Variants in CEP78 observed in about 807,000 individuals in gnomAD.
CEP78 encodes centrosomal protein 78, also known as centrosomal protein of 78 kDa.
CEP78 carries 76 observed loss-of-function variants against 81.2 expected under a neutral mutation model. The ratio of observed to expected loss-of-function variants is 0.94; its 90% CI spans 0.78 to 1.13. CEP78 has a LOEUF of 1.13. Ranked by LOEUF, CEP78 falls within the 50% of genes most tolerant of loss-of-function variation. The pLI, the probability that CEP78 is intolerant of heterozygous loss-of-function variation, is 0.00. For missense variants in CEP78, 918 were observed against 846.8 expected (o/e 1.08, Z -1.04); for synonymous variants, 293 against 301.4 (o/e 0.97, Z 0.29).
intron 11 of CEP78, among the ~76,000 whole-genome samples, chr9:78,260,564 G>A (rs1040311550): frequency 5.3e-5 from 8 of 151,988 alleles, no homozygotes; most frequent in African/African-American, 1.9e-4. Flanking sequence ...AAAATTAGCT[G>A]TGCGTGGTGG....
rs78540443 is a variant in CEP78 at position 78,261,323 on chromosome 9, G to A, written c.1381-1584G>A. 7.1e-3 allele frequency among the ~76,000 whole-genome samples: 1,088 copies of A among 152,244 alleles called. 7 individuals carry two copies. The highest frequency in any genetic ancestry group is 0.025 in the African/African-American group (1,021 of 41,530). On this transcript the variant is annotated intron_variant, in intron 11 of 16. Transcript: ENST00000643273. The stretch of plus-strand genomic sequence containing the variant: ...CATACTTCAAGCCCTTGATATTCAA[G>A]GGTTGTTGTACAGGATAACATTTGA...
In CEP78 at chr9:78,251,939, C is replaced by G; in HGVS notation, c.1101C>G (p.Gly367=). 6.2e-7 allele frequency: 1 copy of G among 1,608,078 alleles called. No homozygotes were observed. The highest frequency in any genetic ancestry group is 8.5e-7 in the Non-Finnish European group (1 of 1,175,938). ...CTACAAAGAAACCTGTAAGTAGTGG[C>G]AGAAAACACTCCCTTGGTAAAGAAT... The part of the protein sequence containing the change: ...GLATKKPVSS[G]RKHSLGKEYY... The change falls in exon 9 of 17, where the codon GGC becomes GGG. Residue 367 remains glycine, a synonymous_variant. Coordinates refer to ENST00000643273, the MANE Select transcript of CEP78 (RefSeq NM_001330691.3).
chr9:78,270,372 A>G (rs1192536757), intron 16 of CEP78, among the ~76,000 whole-genome samples: 1 of 152,212 alleles, frequency 6.6e-6, no homozygotes, highest in East Asian at 1.9e-4. Flanking sequence ...CCCTGCAAGT[A>G]ATTGTTAAAC....
In CEP78 at chr9:78,236,166, G is replaced by T. The variant is rs1297306768; in HGVS notation, c.-185G>T. The stretch of plus-strand genomic sequence containing the variant: ...GGCAGCGCGGGAGTGGGGCGTTGAG[G>T]GGCCGGCCTAGCTTGGGGCTCTGGC... On this transcript the variant is annotated 5_prime_UTR_variant, in exon 1 of 17. Transcript: ENST00000643273. 13 of 584,288 alleles carry T rather than the reference G, an allele frequency of 2.2e-5. 1 individual carries two copies. The South Asian group carries it at 2.7e-4, about 12-fold the overall frequency. 36.2% of individuals were successfully genotyped at this position (584,288 alleles called of 1,614,324 possible). A position where few individuals can be genotyped will look rare whatever the true frequency, so the allele number is the denominator to read the frequency against.
At chr9:78,267,148 T>G (rs765309259) in intron 16 of CEP78, 57 of 791,274 alleles carry the variant, frequency 7.2e-5, no homozygotes, top group Non-Finnish European at 9.4e-5. Flanking sequence ...ATAGTGAAAT[T>G]TTTGGTCTGT....
intron 8 of CEP78, chr9:78,249,660 A>C (rs1028915501): frequency 4.0e-5 from 6 of 150,382 alleles, no homozygotes; most frequent in African/African-American, 1.5e-4. Flanking sequence ...TTTTTTTTTT[A>C]AAGAGTCTTT....
intron 4 of CEP78, 21 bp downstream of exon 4, chr9:78,241,820 T>C (rs757617837): frequency 2.7e-5 from 35 of 1,305,106 alleles, no homozygotes; most frequent in Non-Finnish European, 3.6e-5. Context: ...GTTCCAACTT[T>C]CATGAAAATG....
At chr9:78,240,472 G>A in intron 3 of CEP78, 108 bp downstream of exon 3, 1 of 924,464 alleles carries the variant, frequency 1.1e-6, no homozygotes, top group Non-Finnish European at 1.7e-6. Flanking sequence ...TGCCTCATAT[G>A]CTTGTTCAAA....
rs74543331 is a variant in CEP78, at chr9:78,270,740, C to T, written c.2108-101C>T. ...CAGTAACACTTGATTTTCAGAGGAT[C>T]GGCATGATAGGAGATGATTGGTTTT... On this transcript the variant is annotated intron_variant, in intron 16 of 16. Coordinates refer to ENST00000643273, the MANE Select transcript of CEP78 (RefSeq NM_001330691.3). 8.3e-4 allele frequency: 487 copies of T among 587,768 alleles called. 4 individuals are homozygous for T. The highest frequency in any genetic ancestry group is 5.2e-3 in the African/African-American group (269 of 51,530). The allele number at this position is 587,768 out of a possible 1,614,324, so 36.4% of individuals were successfully genotyped here. A position where few individuals can be genotyped will look rare whatever the true frequency, so the allele number is the denominator to read the frequency against.
chr9:78,246,932 T>A (rs910320278), intron 6 of CEP78, 150 bp downstream of exon 6: 1 of 513,120 alleles, frequency 1.9e-6, no homozygotes, highest in Non-Finnish European at 3.4e-6. Context: ...AGTAGATAAT[T>A]TACTGATGAA....
At chr9:78,269,602 G>T (rs1262260414) in intron 16 of CEP78, among the ~76,000 whole-genome samples, 3 of 152,206 alleles carry the variant, frequency 2.0e-5, no homozygotes, top group Admixed American at 6.5e-5. Flanking sequence ...GTGTCACATG[G>T]CAGAGAATAA....
At chr9:78,239,150 A>T (rs1826099490) in intron 1 of CEP78, among the ~76,000 whole-genome samples, 1 of 151,782 alleles carries the variant, frequency 6.6e-6, no homozygotes, top group Non-Finnish European at 1.5e-5. Context: ...TTCTTCACTG[A>T]ACCTTCTTTA....
chr9:78,236,959 C>G (rs114149166), intron 1 of CEP78, among the ~76,000 whole-genome samples: 2,872 of 135,566 alleles, frequency 0.021, 100 homozygotes, highest in African/African-American at 0.077. Context: ...TAATACATGT[C>G]AGCCTTTGTC....
At chr9:78,265,589 A>C (rs1446033927) in intron 14 of CEP78, 46 bp downstream of exon 14, 2 of 1,485,210 alleles carry the variant, frequency 1.3e-6, no homozygotes, top group Admixed American at 4.4e-5. Context: ...GTGATTAGCA[A>C]AAAAGGGAAT....
At chr9:78,250,471 G>C in intron 8 of CEP78, 1 of 308,516 alleles carries the variant, frequency 3.2e-6, no homozygotes, top group Non-Finnish European at 5.8e-6. Flanking sequence ...GGGCACGGTG[G>C]CTCACGCCTG....
In CEP78 at chr9:78,240,049, A is replaced by C; in HGVS notation, c.280A>C (p.Ser94Arg). Reference protein sequence around the residue: ...TGSDMNKFCRSRVPAIRYKDV... With the variant: ...TGSDMNKFCRRRVPAIRYKDV... ...TTCTGACATGAATAAATTTTGCAGA[A>C]GTCGTGTTCCTGCGATAAGATACAA... Residue 94 changes from serine to arginine, a missense_variant, in exon 2 of 17, where the codon AGT becomes CGT. Coordinates refer to ENST00000643273, the MANE Select transcript of CEP78 (RefSeq NM_001330691.3). 5 of 1,580,630 alleles carry C rather than the reference A, an allele frequency of 3.2e-6. No individual in the cohort carries two copies. The highest frequency in any genetic ancestry group is 4.3e-6 in the Non-Finnish European group (5 of 1,171,550).
rs1363834969 is a variant in CEP78, at chr9:78,274,279, C to G, written c.*3428C>G. ...ATATGGCATTCTTGAAAAGACAAAACTATAGTGACAGAACAGATTGGAGAT... is the reference window on the plus strand; with the variant it reads ...ATATGGCATTCTTGAAAAGACAAAAGTATAGTGACAGAACAGATTGGAGAT... On this transcript the variant is annotated 3_prime_UTR_variant, in exon 17 of 17. Coordinates refer to ENST00000643273, the MANE Select transcript of CEP78 (RefSeq NM_001330691.3). The G allele has an allele frequency of 2.0e-5, 3 of 152,068 alleles. No individual in the cohort carries two copies. Among genetic ancestry groups the G allele is most frequent in the Non-Finnish European group, 4.4e-5 (3 of 68,038 alleles). 9.4% of individuals were successfully genotyped at this position (152,068 alleles called of 1,614,324 possible).
chr9:78,239,490 T>C (rs1041982395), intron 1 of CEP78, among the ~76,000 whole-genome samples: 1 of 152,190 alleles, frequency 6.6e-6, no homozygotes, highest in South Asian at 2.1e-4. Flanking sequence ...ATTTCCTTTA[T>C]CTCTTTGATA....
intron 1 of CEP78, among the ~76,000 whole-genome samples, chr9:78,237,022 C>G (rs928832910): frequency 1.0e-4 from 13 of 124,512 alleles, no homozygotes; most frequent in Non-Finnish European, 2.1e-4. Context: ...ACTCTGTCGC[C>G]CAGGCTGGAA....
Sources: gnomAD v4.1 joint callset for allele counts (sites outside exome capture counted in the v4.1 genomes callset) on GRCh38, gnomAD v4.1.1 for gene constraint, MANE v1.5 for transcripts, NCBI Gene and HGNC (gene_info 2026-07-23, HGNC 2026-07-21) for gene names.